Variants in HSPB1 observed in about 807,000 individuals in gnomAD.
HSPB1 encodes heat shock protein beta-1.
A neutral mutation model predicts 17.0 loss-of-function variants in HSPB1; 19 were observed. That is an observed-to-expected ratio of 1.12 (90% CI 0.78 to 1.64). HSPB1 has a LOEUF of 1.64. Ranked by LOEUF, HSPB1 falls within the 40% of genes most tolerant of loss-of-function variation. HSPB1 has a pLI of 0.00. For synonymous variants in HSPB1, 165 were observed against 129.8 expected (o/e 1.27, Z -1.84); for missense variants, 348 against 289.2 (o/e 1.20, Z -1.47).
At chr7:76,303,902 G>T (rs1186153936) in intron 2 of HSPB1, 37 bp downstream of exon 2, 38 of 1,594,680 alleles carry the variant, frequency 2.4e-5, no homozygotes, top group Non-Finnish European at 3.1e-5. Context: ...GGTGGGTGGC[G>T]TGGGGGTGGG....
At position 76,303,554 on chromosome 7, in the gene HSPB1, C is replaced by G. The variant is rs936528325; in HGVS notation, c.365-248C>G. 5.1e-6 allele frequency: 3 copies of G among 586,644 alleles called. No homozygotes were observed. In the African/African-American group the frequency reaches 5.6e-5, roughly 11 times the overall value. 36.3% of individuals were successfully genotyped at this position (586,644 alleles called of 1,614,324 possible). A position where few individuals can be genotyped will look rare whatever the true frequency, so the allele number is the denominator to read the frequency against. ...GTGGGCGTGTGCGCGGCTCCAAGTG[C>G]GCCTGCGTACTGCTCACTCCCCAGC... On this transcript the variant is annotated intron_variant, in intron 1 of 2. Transcript: ENST00000248553.
At position 76,303,796 on chromosome 7, in the gene HSPB1, CCA is replaced by C. The variant is rs752802110; in HGVS notation, c.365-5_365-4del. The stretch of plus-strand genomic sequence containing the variant: ...CCGCAGTCTGATTTCCCTCTTCCCC[CCA>C]AAGGCAAGCACGAGGAGCGGCAGGA... On this transcript the variant is annotated splice_region_variant and splice_polypyrimidine_tract_variant and intron_variant, in intron 1 of 2. Coordinates refer to ENST00000248553, the MANE Select transcript of HSPB1 (RefSeq NM_001540.5). The C allele has an allele frequency of 2.5e-6, 4 of 1,610,942 alleles. No homozygotes were observed. Among genetic ancestry groups the C allele is most frequent in the African/African-American group, 1.3e-5 (1 of 74,826 alleles).
intron 1 of HSPB1, 81 bp from the exon 2 acceptor site, chr7:76,303,721 G>A: frequency 8.0e-7 from 1 of 1,248,882 alleles, no homozygotes; most frequent in Non-Finnish European, 1.2e-6. Context: ...CTGCTTCCAA[G>A]CAGGAGGTGG....
At position 76,302,946 on chromosome 7, in the gene HSPB1, C is replaced by T. The variant is rs746628105; in HGVS notation, c.234C>T (p.Ser78=). ...CGCCCGCCTACAGCCGCGCGCTCAG[C>T]CGGCAACTCAGCAGCGGGGTCTCGG... ...VAAPAYSRAL[S]RQLSSGVSEI... The change falls in exon 1 of 3, where the codon AGC becomes AGT. Residue 78 remains serine, a synonymous_variant. Coordinates refer to ENST00000248553, the MANE Select transcript of HSPB1 (RefSeq NM_001540.5). The T allele has an allele frequency of 1.3e-6, 2 of 1,544,884 alleles. No individual in the cohort carries two copies. The highest frequency in any genetic ancestry group is 1.4e-5 in the African/African-American group (1 of 73,536).
rs1563651923 is a variant in HSPB1 at position 76,302,916 on chromosome 7, GGCCGCGCCCGCCTACA to G, written c.212_227del (p.Pro71ArgfsTer34). ...CCGCCGCCATCGAGAGCCCCGCAGT[GGCCGCGCCCGCCTACA>G]GCCGCGCGCTCAGCCGGCAACTCAG... On this transcript the variant is annotated frameshift_variant, in exon 1 of 3. Transcript: ENST00000248553. LOFTEE classifies it high-confidence loss of function. 1.9e-6 allele frequency: 3 copies of G among 1,544,128 alleles called. No homozygotes were observed. Among genetic ancestry groups the G allele is most frequent in the Admixed American group, 1.9e-5 (1 of 51,780 alleles).
At chr7:76,303,752 C>T (rs757769961) in intron 1 of HSPB1, 50 bp from the exon 2 acceptor site, 3 of 1,562,838 alleles carry the variant, frequency 1.9e-6, no homozygotes, top group South Asian at 1.1e-5. Flanking sequence ...CTAGCGGGGC[C>T]GAAAGGCAGT....
chr7:76,303,772 C>G, intron 1 of HSPB1, 30 bp from the exon 2 acceptor site: 1 of 1,604,320 alleles, frequency 6.2e-7, no homozygotes, highest in Non-Finnish European at 8.5e-7. Context: ...TCCCCTCCCC[C>G]GCAGTCTGAT....
rs200902768 is a variant in HSPB1 at position 76,303,796 on chromosome 7, C to A, written c.365-6C>A. The A allele has an allele frequency of 6.8e-6, 11 of 1,610,942 alleles. No homozygotes were observed. The highest frequency in any genetic ancestry group is 2.2e-5 in the East Asian group (1 of 44,882). ...CCGCAGTCTGATTTCCCTCTTCCCCCCAAAGGCAAGCACGAGGAGCGGCAG... is the reference window on the plus strand; with the variant it reads ...CCGCAGTCTGATTTCCCTCTTCCCCACAAAGGCAAGCACGAGGAGCGGCAG... On this transcript the variant is annotated splice_region_variant and splice_polypyrimidine_tract_variant and intron_variant, in intron 1 of 2. Transcript: ENST00000248553.
rs535398122 is a variant in HSPB1, at chr7:76,302,937, C to T, written c.225C>T (p.Arg75=). The T allele has an allele frequency of 5.2e-6, 8 of 1,544,488 alleles. No homozygotes were observed. The highest frequency in any genetic ancestry group is 2.6e-6 in the Non-Finnish European group (3 of 1,150,590). ...CAGTGGCCGCGCCCGCCTACAGCCG[C>T]GCGCTCAGCCGGCAACTCAGCAGCG... ...SPAVAAPAYS[R]ALSRQLSSGV... Residue 75 remains arginine, a synonymous_variant, in exon 1 of 3, where the codon CGC becomes CGT. Transcript: ENST00000248553.
At chr7:76,303,950 A>AT in intron 2 of HSPB1, 34 bp from the exon 3 acceptor site, 1 of 1,612,626 alleles carries the variant, frequency 6.2e-7, no homozygotes, top group South Asian at 1.1e-5. Context: ...CCGGTGTGTA[A>AT]TGTAACGCTT....
chr7:76,303,588 C>T (rs973747583), intron 1 of HSPB1: 5 of 614,738 alleles, frequency 8.1e-6, no homozygotes, highest in African/African-American at 1.8e-5. Context: ...GCTCCGCGCC[C>T]TGCTCCGTTC....
rs546337268 is a variant in HSPB1, at chr7:76,303,384, C to CA, written c.364+317dup. 6.4e-3 allele frequency: 2,941 copies of CA among 459,530 alleles called. 30 individuals carry two copies. Among genetic ancestry groups the CA allele is most frequent in the South Asian group, 0.024 (673 of 28,528 alleles). 28.5% of individuals were successfully genotyped at this position (459,530 alleles called of 1,614,324 possible). A position where few individuals can be genotyped will look rare whatever the true frequency, so the allele number is the denominator to read the frequency against. ...CCCCCGCCCCGACCCCGCGCCATTA[C>CA]AAAAAAAAAGCAAACAAAAATTTTT... On this transcript the variant is annotated intron_variant, in intron 1 of 2. Coordinates refer to ENST00000248553, the MANE Select transcript of HSPB1 (RefSeq NM_001540.5).
At position 76,303,845 on chromosome 7, in the gene HSPB1, G is replaced by A. The variant is rs375199481; in HGVS notation, c.408G>A (p.Arg136=). 1 of 1,610,574 alleles carries A rather than the reference G, an allele frequency of 6.2e-7. No individual in the cohort carries two copies. Among genetic ancestry groups the A allele is most frequent in the Non-Finnish European group, 8.5e-7 (1 of 1,179,796 alleles). The stretch of plus-strand genomic sequence containing the variant: ...AGGACGAGCATGGCTACATCTCCCG[G>A]TGCTTCACGCGGAAATACACGTGAG... ...ERQDEHGYIS[R]CFTRKYTLPP... The change falls in exon 2 of 3, where the codon CGG becomes CGA. Residue 136 remains arginine (R), a synonymous_variant. Transcript: ENST00000248553.
rs1049980608 is a variant in HSPB1, at chr7:76,303,137, G to A, written c.364+61G>A. On this transcript the variant is annotated intron_variant, in intron 1 of 2. Transcript: ENST00000248553. Reference sequence around the variant, plus strand: ...GCTAGCAGGGCGGGCAGGGCCGGGGGCGTGCGGTTGAAACGGGGGTCCCGG... The same window carrying A: ...GCTAGCAGGGCGGGCAGGGCCGGGGACGTGCGGTTGAAACGGGGGTCCCGG... 1.3e-5 allele frequency: 19 copies of A among 1,491,406 alleles called. No homozygotes were observed. In the East Asian group the frequency reaches 1.7e-4, roughly 14 times the overall value. The allele number at this position is 1,491,406 out of a possible 1,614,324, so 92.4% of individuals were successfully genotyped here.
At chr7:76,303,951 T>C (rs1419617765) in intron 2 of HSPB1, 33 bp from the exon 3 acceptor site, 1 of 1,612,748 alleles carries the variant, frequency 6.2e-7, no homozygotes, top group South Asian at 1.1e-5. Flanking sequence ...CGGTGTGTAA[T>C]GTAACGCTTG....
chr7:76,303,483 G>T, intron 1 of HSPB1: 1 of 543,674 alleles, frequency 1.8e-6, no homozygotes, highest in Admixed American at 3.2e-5. Context: ...CCCATCCCCA[G>T]ATAAGCGGGG....
At position 76,304,010 on chromosome 7, in the gene HSPB1, A is replaced by C; in HGVS notation, c.455A>C (p.Gln152Pro). The change falls in exon 3 of 3, where the codon CAA becomes CCA. Residue 152 changes from glutamine to proline, a missense_variant. Transcript: ENST00000248553. ...CTGCCCCCCGGTGTGGACCCCACCC[A>C]AGTTTCCTCCTCCCTGTCCCCTGAG... Reference protein sequence around the residue: ...YTLPPGVDPTQVSSSLSPEGT... With the variant: ...YTLPPGVDPTPVSSSLSPEGT... The C allele has an allele frequency of 1.9e-6, 3 of 1,613,742 alleles. No individual in the cohort carries two copies. The highest frequency in any genetic ancestry group is 2.5e-6 in the Non-Finnish European group (3 of 1,179,982).
At position 76,302,920 on chromosome 7, in the gene HSPB1, G is replaced by C; in HGVS notation, c.208G>C (p.Ala70Pro). The C allele has an allele frequency of 6.5e-7, 1 of 1,543,356 alleles. No individual in the cohort carries two copies. Reference sequence around the variant, plus strand: ...CGCCATCGAGAGCCCCGCAGTGGCCGCGCCCGCCTACAGCCGCGCGCTCAG... The same window carrying C: ...CGCCATCGAGAGCCCCGCAGTGGCCCCGCCCGCCTACAGCCGCGCGCTCAG... Reference protein sequence around the residue: ...PAAIESPAVAAPAYSRALSRQ... With the variant: ...PAAIESPAVAPPAYSRALSRQ... The change falls in exon 1 of 3, where the codon GCG becomes CCG. Residue 70 changes from alanine to proline, a missense_variant. Physicochemically the swap from Ala to Pro is conservative, Grantham distance 27. Coordinates refer to ENST00000248553, the MANE Select transcript of HSPB1 (RefSeq NM_001540.5).
At position 76,302,750 on chromosome 7, in the gene HSPB1, G is replaced by T; in HGVS notation, c.38G>T (p.Gly13Val). The T allele has an allele frequency of 6.2e-7, 1 of 1,605,860 alleles. No homozygotes were observed. Reference sequence around the variant, plus strand: ...CGCGTCCCCTTCTCGCTCCTGCGGGGCCCCAGCTGGGACCCCTTCCGCGAC... The same window carrying T: ...CGCGTCCCCTTCTCGCTCCTGCGGGTCCCCAGCTGGGACCCCTTCCGCGAC... ...ERRVPFSLLR[G>V]PSWDPFRDWY... Residue 13 changes from glycine to valine, a missense_variant, in exon 1 of 3, where the codon GGC becomes GTC. Gly to Val is a moderately radical substitution (Grantham distance 109, BLOSUM62 -3). Coordinates refer to ENST00000248553, the MANE Select transcript of HSPB1 (RefSeq NM_001540.5).
Sources: gnomAD v4.1 joint callset for allele counts on GRCh38, gnomAD v4.1.1 for gene constraint, MANE v1.5 for transcripts, NCBI Gene and HGNC (gene_info 2026-07-23, HGNC 2026-07-21) for gene names.